Variants in GNA14 observed in about 807,000 individuals in gnomAD.
GNA14 encodes guanine nucleotide-binding protein subunit alpha-14.
Under a neutral mutation model 42.0 loss-of-function variants are expected in GNA14, and 50 were observed. That is an observed-to-expected ratio of 1.19 (90% CI 0.95 to 1.51). The LOEUF (loss-of-function observed/expected upper bound fraction) is 1.51. Ranked by LOEUF, GNA14 falls within the 40% of genes most tolerant of loss-of-function variation. The pLI is 0.00. For missense variants in GNA14, 473 were observed against 446.2 expected (o/e 1.06, Z -0.54); for synonymous variants, 173 against 163.1 (o/e 1.06, Z -0.46).
intron 1 of GNA14, among the ~76,000 whole-genome samples, chr9:77,599,296 C>T (rs1262984386): frequency 1.3e-5 from 2 of 152,174 alleles, no homozygotes; most frequent in Non-Finnish European, 2.9e-5. Flanking sequence ...ATTTATTCAT[C>T]AAGTTATTAG....
At chr9:77,491,683 A>G (rs770942143) in intron 2 of GNA14, among the ~76,000 whole-genome samples, 1 of 152,214 alleles carries the variant, frequency 6.6e-6, no homozygotes, top group African/African-American at 2.4e-5. Flanking sequence ...AATCAATCTA[A>G]AGGGAGAGAC....
At chr9:77,605,687 C>A (rs1283233034) in intron 1 of GNA14, among the ~76,000 whole-genome samples, 1 of 152,072 alleles carries the variant, frequency 6.6e-6, no homozygotes, top group South Asian at 2.1e-4. Context: ...GAAATATAGC[C>A]GACAAAGACC....
chr9:77,444,530 G>A (rs1835783885), intron 2 of GNA14, among the ~76,000 whole-genome samples: 1 of 152,156 alleles, frequency 6.6e-6, no homozygotes, highest in African/African-American at 2.4e-5. Context: ...CTTTGTCTTT[G>A]CAGGTTCCAG....
intron 1 of GNA14, among the ~76,000 whole-genome samples, chr9:77,621,882 C>G (rs532982160): frequency 4.1e-4 from 63 of 152,302 alleles, no homozygotes; most frequent in Middle Eastern, 3.4e-3. Flanking sequence ...TTGTTTATGA[C>G]TAGTGCTTTA....
chr9:77,623,765 G>A (rs753858800), intron 1 of GNA14, among the ~76,000 whole-genome samples: 16 of 152,180 alleles, frequency 1.1e-4, no homozygotes, highest in East Asian at 1.9e-4. Flanking sequence ...GACGGTCTTC[G>A]GAACCCGCAG....
At chr9:77,480,236 G>C (rs9695918) in intron 2 of GNA14, among the ~76,000 whole-genome samples, 3,706 of 152,182 alleles carry the variant, frequency 0.024, 147 homozygotes, top group African/African-American at 0.084. Context: ...TCACAACCTA[G>C]TTTATTGAGA....
intron 1 of GNA14, among the ~76,000 whole-genome samples, chr9:77,587,125 A>G (rs1280593075): frequency 6.6e-6 from 1 of 151,840 alleles, no homozygotes; most frequent in African/African-American, 2.4e-5. Context: ...TACTTAAAAA[A>G]AAAAGAAAAG....
chr9:77,575,523 C>T (rs935722242), intron 1 of GNA14, among the ~76,000 whole-genome samples: 4 of 152,116 alleles, frequency 2.6e-5, no homozygotes, highest in Non-Finnish European at 5.9e-5. Flanking sequence ...TGTTTATTAA[C>T]GCTTGTAAAT....
intron 4 of GNA14, 125 bp downstream of exon 4, chr9:77,431,196 G>T: frequency 2.4e-6 from 2 of 825,186 alleles, no homozygotes; most frequent in Non-Finnish European, 3.8e-6. Flanking sequence ...AAATACCCTT[G>T]GCAGAGAGGG....
chr9:77,633,680 C>T (rs1431023280), intron 1 of GNA14, among the ~76,000 whole-genome samples: 1 of 151,608 alleles, frequency 6.6e-6, no homozygotes, highest in African/African-American at 2.4e-5. Context: ...AGATATTTGC[C>T]CCCATGGGGT....
At chr9:77,601,281 C>CA (rs1280039699) in intron 1 of GNA14, among the ~76,000 whole-genome samples, 1 of 152,126 alleles carries the variant, frequency 6.6e-6, no homozygotes, top group East Asian at 1.9e-4. Flanking sequence ...GGTCGTGACA[C>CA]AAAAACCGAG....
intron 1 of GNA14, among the ~76,000 whole-genome samples, chr9:77,558,283 C>CAGAT (rs150979699): frequency 4.0e-5 from 6 of 151,690 alleles, no homozygotes; most frequent in Non-Finnish European, 7.4e-5. Flanking sequence ...ACAGATAGAT[C>CAGAT]AGATAGATAG....
At chr9:77,546,472 G>A (rs992218897) in intron 1 of GNA14, among the ~76,000 whole-genome samples, 8 of 152,036 alleles carry the variant, frequency 5.3e-5, no homozygotes, top group South Asian at 2.1e-4. Context: ...CTTTTCTGGC[G>A]CACAGCTGTG....
chr9:77,505,857 C>T (rs1434656235), intron 2 of GNA14, among the ~76,000 whole-genome samples: 3 of 152,100 alleles, frequency 2.0e-5, no homozygotes, highest in Non-Finnish European at 4.4e-5. Flanking sequence ...ATATATTTTC[C>T]TTTTTTTGGT....
chr9:77,526,150 A>C (rs2131765781), intron 2 of GNA14, among the ~76,000 whole-genome samples: 1 of 135,778 alleles, frequency 7.4e-6, no homozygotes, highest in African/African-American at 2.8e-5. Flanking sequence ...GGCTCAAGAG[A>C]TGGCTGCCTG....
intron 2 of GNA14, among the ~76,000 whole-genome samples, chr9:77,467,151 G>C (rs917271214): frequency 6.6e-6 from 1 of 151,970 alleles, no homozygotes; most frequent in African/African-American, 2.4e-5. Flanking sequence ...GCACTCCTGA[G>C]GGGGTGCAGA....
At chr9:77,483,446 G>A (rs1008042491) in intron 2 of GNA14, among the ~76,000 whole-genome samples, 1 of 152,158 alleles carries the variant, frequency 6.6e-6, no homozygotes, top group Non-Finnish European at 1.5e-5. Flanking sequence ...TGTGTCAGAG[G>A]AGTACCCGGC....
At chr9:77,475,909 G>A (rs1303978812) in intron 2 of GNA14, among the ~76,000 whole-genome samples, 1 of 152,174 alleles carries the variant, frequency 6.6e-6, no homozygotes, top group Non-Finnish European at 1.5e-5. Context: ...TGCAGGCATG[G>A]TGGGCATATC....
intron 1 of GNA14, among the ~76,000 whole-genome samples, chr9:77,564,890 G>T (rs77076326): frequency 5.0e-4 from 76 of 151,754 alleles, no homozygotes; most frequent in African/African-American, 1.6e-3. Flanking sequence ...CACCTGCCCT[G>T]CTTCCAGTCC....
Sources: gnomAD v4.1 joint callset for allele counts (sites outside exome capture counted in the v4.1 genomes callset) on GRCh38, gnomAD v4.1.1 for gene constraint, MANE v1.5 for transcripts, NCBI Gene and HGNC (gene_info 2026-07-23, HGNC 2026-07-21) for gene names.